The following GLIS3 variants were observed in gnomAD, a reference collection of about 807,000 sequenced individuals.
GLIS3 encodes the protein GLIS family zinc finger 3.
In GLIS3, 53 loss-of-function variants were observed where a neutral mutation model predicts 78.6. That is an observed-to-expected ratio of 0.67 (90% CI 0.54 to 0.85). The LOEUF (loss-of-function observed/expected upper bound fraction) is 0.85, where lower values mean the gene tolerates loss of function less well. GLIS3 is among the 40% of genes least tolerant of loss of function. GLIS3 has a pLI of 0.00. For missense variants in GLIS3, 1,703 were observed against 1,231.1 expected, an observed-to-expected ratio of 1.38 and a Z score of -5.74; for synonymous variants, 684 against 509.9, an observed-to-expected ratio of 1.34 and a Z score of -4.60.
chr9:4,273,763 C>A (rs531068700), intron 2 of GLIS3, among the ~76,000 whole-genome samples: 1 of 152,254 alleles, frequency 6.6e-6, no homozygotes, highest in African/African-American at 2.4e-5. Flanking sequence ...CCACATAACT[C>A]GAAGATTCTC....
At chr9:4,470,147 G>A in the GLIS3 span, among the ~76,000 whole-genome samples, 22 of 152,088 alleles carry the variant, frequency 1.4e-4, no homozygotes, top group Non-Finnish European at 1.0e-4. Flanking sequence ...AGGACCAGAC[G>A]GATTCACAGC....
chr9:4,122,850 T>C lies in GLIS3; in HGVS notation c.596+2884A>G, dbSNP rs1040654067. Among the ~76,000 whole-genome samples, 179 of 152,322 alleles carry C rather than the reference T, an allele frequency of 1.2e-3. 1 individual carries two copies. The highest frequency in any genetic ancestry group is 4.2e-3 in the African/African-American group (173 of 41,576). ...CAGCCTTGTCATTTTAGGGGAAATATATACAATGGCCTCTGTATTCGAGTT... is the reference window on the plus strand; with the variant it reads ...CAGCCTTGTCATTTTAGGGGAAATACATACAATGGCCTCTGTATTCGAGTT... On this transcript the variant is annotated intron_variant, in intron 3 of 10. Coordinates refer to ENST00000381971, the MANE Select transcript of GLIS3 (RefSeq NM_001042413.2).
chr9:3,829,974 A>G (rs903049606), intron 9 of GLIS3, among the ~76,000 whole-genome samples: 1 of 152,242 alleles, frequency 6.6e-6, no homozygotes, highest in Non-Finnish European at 1.5e-5. Flanking sequence ...AGAGAAATAC[A>G]TGCACATTTA....
chr9:4,301,571 G>A (rs1231852131), upstream of GLIS3, among the ~76,000 whole-genome samples: 2 of 152,182 alleles, frequency 1.3e-5, no homozygotes, highest in African/African-American at 2.4e-5. Flanking sequence ...AATGCATCAT[G>A]GGAACTTCTG....
rs983396374 is a variant in GLIS3 at position 4,250,755 on chromosome 9, A to G, written c.388+35283T>C. On this transcript the variant is annotated intron_variant, in intron 2 of 10. Transcript: ENST00000381971. ...CCTTCTTTTGTGGGCATTTGGTGCTATAAATTTCCCTCTAAACACTGCTTT... is the reference window on the plus strand; with the variant it reads ...CCTTCTTTTGTGGGCATTTGGTGCTGTAAATTTCCCTCTAAACACTGCTTT... Among the ~76,000 whole-genome samples the G allele has an allele frequency of 2.0e-5, 3 of 152,192 alleles. No homozygotes were observed. The East Asian group carries it at 5.8e-4, about 29-fold the overall frequency.
intron 2 of GLIS3, among the ~76,000 whole-genome samples, chr9:4,205,588 G>A (rs1330135423): frequency 1.3e-5 from 2 of 152,236 alleles, no homozygotes; most frequent in Non-Finnish European, 2.9e-5. Flanking sequence ...AGGTGAGTGA[G>A]TAGCACGGAG....
intron 2 of GLIS3, among the ~76,000 whole-genome samples, chr9:4,241,039 T>C (rs1823259304): frequency 6.6e-6 from 1 of 152,180 alleles, no homozygotes; most frequent in African/African-American, 2.4e-5. Flanking sequence ...ATTATCCTGT[T>C]CTTTCAAAAT....
chr9:4,371,767 C>A, the GLIS3 span, among the ~76,000 whole-genome samples: 2 of 152,174 alleles, frequency 1.3e-5, no homozygotes, highest in African/African-American at 4.8e-5. Context: ...AAGTGGGTCC[C>A]CATCTCCTAC....
At chr9:4,046,372 C>T (rs1331571844) in intron 4 of GLIS3, among the ~76,000 whole-genome samples, 4 of 152,052 alleles carry the variant, frequency 2.6e-5, no homozygotes, top group African/African-American at 9.7e-5. Flanking sequence ...CAGTATGGAT[C>T]CAAAGAGAGG....
At chr9:4,399,048 G>T in the GLIS3 span, among the ~76,000 whole-genome samples, 1 of 152,154 alleles carries the variant, frequency 6.6e-6, no homozygotes, top group Non-Finnish European at 1.5e-5. Flanking sequence ...TGCTAGGGGT[G>T]AGATAGACCA....
chr9:4,292,382 C>CA (rs1816073450), intron 1 of GLIS3, among the ~76,000 whole-genome samples: 1 of 152,000 alleles, frequency 6.6e-6, no homozygotes, highest in Non-Finnish European at 1.5e-5. Flanking sequence ...CTGGGTAAGA[C>CA]AAAAAATATA....
chr9:4,008,168 G>A (rs946885222), intron 4 of GLIS3, among the ~76,000 whole-genome samples: 1 of 152,192 alleles, frequency 6.6e-6, no homozygotes, highest in African/African-American at 2.4e-5. Context: ...GCTTGGCCTA[G>A]TTTTTACACA....
At chr9:4,261,196 A>G (rs1825493768) in intron 2 of GLIS3, among the ~76,000 whole-genome samples, 2 of 152,196 alleles carry the variant, frequency 1.3e-5, no homozygotes, top group Admixed American at 6.5e-5. Context: ...TCTATCCATG[A>G]GTTCAACACG....
chr9:3,907,984 C>T (rs1823838634), intron 6 of GLIS3, among the ~76,000 whole-genome samples: 1 of 152,190 alleles, frequency 6.6e-6, no homozygotes, highest in African/African-American at 2.4e-5. Context: ...GCTTTGCCAA[C>T]TTTGTACAGC....
chr9:4,479,066 T>A, the GLIS3 span, among the ~76,000 whole-genome samples: 1 of 152,202 alleles, frequency 6.6e-6, no homozygotes, highest in African/African-American at 2.4e-5. Flanking sequence ...TTTAAATATA[T>A]ATATTTTTCA....
the GLIS3 span, among the ~76,000 whole-genome samples, chr9:4,450,807 T>C: frequency 6.6e-6 from 1 of 152,198 alleles, no homozygotes; most frequent in Middle Eastern, 3.2e-3. Context: ...CTGAGAGATT[T>C]TGTCACCACC....
chr9:4,073,952 G>C (rs570946722), intron 4 of GLIS3, among the ~76,000 whole-genome samples: 2 of 152,324 alleles, frequency 1.3e-5, no homozygotes, highest in African/African-American at 2.4e-5. Flanking sequence ...AGTCACTGAA[G>C]AAGTAAGCTG....
At chr9:3,908,047 G>A (rs1038023038) in intron 6 of GLIS3, among the ~76,000 whole-genome samples, 8 of 152,246 alleles carry the variant, frequency 5.3e-5, no homozygotes, top group Middle Eastern at 3.4e-3. Context: ...GAACCATCCC[G>A]GATAATACCA....
At chr9:3,876,683 AAGGGAGGGAGGGG>A (rs1821335939) in intron 8 of GLIS3, among the ~76,000 whole-genome samples, 1 of 2,072 alleles carries the variant, frequency 4.8e-4, no homozygotes, top group Non-Finnish European at 1.3e-3. Flanking sequence ...AAAGAGAAGG[AAGGGAGGGAGGGG>A]AGGGAGGGGA....
Sources: gnomAD v4.1 joint callset for allele counts (sites outside exome capture counted in the v4.1 genomes callset) on GRCh38, gnomAD v4.1.1 for gene constraint, MANE v1.5 for transcripts, NCBI Gene and HGNC (gene_info 2026-07-23, HGNC 2026-07-21) for gene names.